Variants in TNK2 observed in about 807,000 individuals in gnomAD.
TNK2 encodes the protein tyrosine kinase non receptor 2.
In TNK2, 83 loss-of-function variants were observed where a neutral mutation model predicts 101.8. The observed-to-expected ratio is 0.82, with a 90% CI of 0.68 to 0.98. The LOEUF is 0.98. TNK2 is among the 50% of genes least tolerant of loss of function. The pLI is 0.00. For synonymous variants in TNK2, 804 were observed against 633.0 expected (o/e 1.27, Z -4.06); for missense variants, 1,665 against 1,483.2 (o/e 1.12, Z -2.01).
chr3:195,895,780 G>A (rs1429411760), intron 1 of TNK2: 3 of 238,476 alleles, frequency 1.3e-5, no homozygotes, highest in African/African-American at 2.3e-5. Context: ...CAGCAGAGGG[G>A]CCTCCGTCCG....
chr3:195,872,287 G>T lies in TNK2; in HGVS notation c.1440C>A (p.Asp480Glu). 6.2e-7 allele frequency: 1 copy of T among 1,613,406 alleles called. No individual in the cohort carries two copies. The highest frequency in any genetic ancestry group is 1.1e-5 in the South Asian group (1 of 91,090). ...CGCCCAGTACTCACTCGTCAATCCTGTCCGGGAAGCCCCAGCAGTGGCGGG... is the reference window on the plus strand; with the variant it reads ...CGCCCAGTACTCACTCGTCAATCCTTTCCGGGAAGCCCCAGCAGTGGCGGG... ...SDPRHCWGFP[D>E]RIDELYLGNP... is the part of the protein sequence containing the mutation. The change falls in exon 10 of 16, where the codon GAC becomes GAA. Residue 480 changes from aspartate to glutamate, a missense_variant. Asp to Glu is a conservative substitution (Grantham distance 45, BLOSUM62 2). Transcript: ENST00000672887.
chr3:195,900,199 CAG>C (rs955103526), intron 1 of TNK2, among the ~76,000 whole-genome samples: 1 of 151,962 alleles, frequency 6.6e-6, no homozygotes, highest in African/African-American at 2.4e-5. Flanking sequence ...GGCTGCCACA[CAG>C]GGTGATGGGA....
At position 195,886,271 on chromosome 3, in the gene TNK2, C is replaced by G. The variant is rs1755544044; in HGVS notation, c.234+706G>C. 6.6e-6 allele frequency: 1 copy of G among 152,424 alleles called. No individual in the cohort carries two copies. Among genetic ancestry groups the G allele is most frequent in the Non-Finnish European group, 1.5e-5 (1 of 68,222 alleles). 9.4% of individuals were successfully genotyped at this position (152,424 alleles called of 1,614,324 possible). The stretch of plus-strand genomic sequence containing the variant: ...GTGTTTCCAGGAAAAGCCAAAGGAT[C>G]CCAAGAGACAGCCCCTTTGCCGGAT... On this transcript the variant is annotated intron_variant, in intron 3 of 15. Transcript: ENST00000672887. The surrounding 1 kb of genome is among the most constrained non-coding windows in gnomAD (Gnocchi z 4.2).
chr3:195,895,698 G>A (rs1299329436), intron 1 of TNK2: 2 of 857,310 alleles, frequency 2.3e-6, no homozygotes, highest in Non-Finnish European at 1.6e-6. Flanking sequence ...CAGGGCCCCA[G>A]AGCCACCAAC....
chr3:195,889,324 CAAGA>C (rs1757423419), intron 1 of TNK2, among the ~76,000 whole-genome samples: 1 of 152,120 alleles, frequency 6.6e-6, no homozygotes, highest in South Asian at 2.1e-4. Flanking sequence ...TCCATTTTTT[CAAGA>C]AATAAATCCC....
chr3:195,864,537 C>A (rs954223623), intron 15 of TNK2, among the ~76,000 whole-genome samples: 1 of 147,850 alleles, frequency 6.8e-6, no homozygotes, highest in African/African-American at 2.5e-5. Flanking sequence ...CAGACAGCGA[C>A]AGACAGGTGA....
At position 195,879,032 on chromosome 3, in the gene TNK2, C is replaced by T. The variant is rs375760358; in HGVS notation, c.1014+17G>A. The T allele has an allele frequency of 3.1e-5, 50 of 1,611,636 alleles. No individual in the cohort carries two copies. The highest frequency in any genetic ancestry group is 3.8e-5 in the Non-Finnish European group (45 of 1,179,534). On this transcript the variant is annotated intron_variant, in intron 7 of 15. Coordinates refer to ENST00000672887, the MANE Select transcript of TNK2 (RefSeq NM_001382273.1). ...TCACCCCACCAGCCCTATGGGGGCC[C>T]GTCTCCCAGCCCTCACCTGACTGCC... is the stretch of plus-strand genomic sequence containing the variant.
At chr3:195,883,503 C>T (rs1754185554) in intron 4 of TNK2, 194 bp from the exon 5 acceptor site, 1 of 605,618 alleles carries the variant, frequency 1.7e-6, no homozygotes, top group African/African-American at 1.8e-5. Flanking sequence ...GACGGCTGGC[C>T]CTCAGGAGCC....
At chr3:195,907,060 C>CT (rs1211256088) in intron 1 of TNK2, among the ~76,000 whole-genome samples, 3 of 152,358 alleles carry the variant, frequency 2.0e-5, no homozygotes, top group Non-Finnish European at 4.4e-5. Context: ...CAAAAGCAAT[C>CT]TGTGTGATGC....
intron 1 of TNK2, chr3:195,895,796 A>C: frequency 1.0e-5 from 2 of 192,740 alleles, no homozygotes; most frequent in East Asian, 1.2e-4. Flanking sequence ...GTCCGACTCC[A>C]TCTGAGACCC....
At chr3:195,883,552 G>C (rs1293063647) in intron 4 of TNK2, 5 of 508,226 alleles carry the variant, frequency 9.8e-6, no homozygotes, top group Non-Finnish European at 1.4e-5. Flanking sequence ...GGAATGCCGG[G>C]CTTAAATACC....
intron 1 of TNK2, among the ~76,000 whole-genome samples, chr3:195,890,051 T>A (rs867817971): frequency 1.3e-5 from 2 of 152,212 alleles, no homozygotes; most frequent in Non-Finnish European, 2.9e-5. Flanking sequence ...CAGTGCCAGT[T>A]CCGACTTTTT....
intron 15 of TNK2, among the ~76,000 whole-genome samples, chr3:195,866,004 C>T (rs1740607579): frequency 6.6e-6 from 1 of 152,234 alleles, no homozygotes; most frequent in African/African-American, 2.4e-5. Flanking sequence ...GCCCCTCCTC[C>T]CGCCAGTGCC....
rs1274243870 is a variant in TNK2 at position 195,878,166 on chromosome 3, T to G, written c.1256+87A>C. 1.4e-6 allele frequency: 2 copies of G among 1,421,186 alleles called. No homozygotes were observed. Among genetic ancestry groups the G allele is most frequent in the Non-Finnish European group, 2.0e-6 (2 of 1,008,506 alleles). 88.0% of individuals were successfully genotyped at this position (1,421,186 alleles called of 1,614,324 possible). A position where few individuals can be genotyped will look rare whatever the true frequency, so the allele number is the denominator to read the frequency against. On this transcript the variant is annotated intron_variant, in intron 9 of 15. Coordinates refer to ENST00000672887, the MANE Select transcript of TNK2 (RefSeq NM_001382273.1). The surrounding 1 kb of genome is among the most constrained non-coding windows in gnomAD (Gnocchi z 4.7). The stretch of plus-strand genomic sequence containing the variant: ...AGCCTGTATGTGGCCAAGGGAATCT[T>G]GGAGGCCAAACAGATCTGTCCACAG...
At chr3:195,866,862 G>T in intron 15 of TNK2, 27 bp downstream of exon 15, 1 of 1,605,128 alleles carries the variant, frequency 6.2e-7, no homozygotes. Context: ...GGGGCACGGA[G>T]CGGGGCAGAC....
At position 195,867,946 on chromosome 3, in the gene TNK2, C is replaced by A. The variant is rs1742028962; in HGVS notation, c.2352G>T (p.Trp784Cys). 6.5e-7 allele frequency: 1 copy of A among 1,544,470 alleles called. No individual in the cohort carries two copies. Among genetic ancestry groups the A allele is most frequent in the East Asian group, 2.3e-5 (1 of 43,670 alleles). ...CCCGGGGAGGGGAAGCAGGTCCAGG[C>A]CACTGGCTGGTCTCCTCCTCGCCCG... ...APPGEEETSQ[W>C]PGPASPPRVP... The change falls in exon 13 of 16, where the codon TGG becomes TGT. Residue 784 changes from tryptophan to cysteine, a missense_variant. Trp to Cys is a radical substitution (Grantham distance 215, BLOSUM62 -2). Around this residue, in one of 3 missense-constraint regions of TNK2, gnomAD observed 1,136 missense variants for 894.9 expected, o/e 1.27. Coordinates refer to ENST00000672887, the MANE Select transcript of TNK2 (RefSeq NM_001382273.1).
rs1354716186 is a variant in TNK2 at position 195,878,506 on chromosome 3, G to T, written c.1101C>A (p.Cys367Ter). The change falls in exon 8 of 16, where the codon TGC becomes TGA. Residue 367 changes from cysteine (C) to a stop codon, truncating the protein, a stop_gained. Coordinates refer to ENST00000672887, the MANE Select transcript of TNK2 (RefSeq NM_001382273.1). LOFTEE classifies it high-confidence loss of function. This position sits in a 1 kb window ranked among gnomAD's most constrained non-coding sequence, Gnocchi z 4.7. ...GTCTGTCCTCTGGCTTGTGAGCCCA[G>T]CACTGGACCATGACGTTGTAGATGT... The part of the protein sequence containing the change: ...PQDIYNVMVQ[C>*]WAHKPEDRPT... The T allele has an allele frequency of 1.2e-6, 2 of 1,613,940 alleles. No individual in the cohort carries two copies. Among genetic ancestry groups the T allele is most frequent in the South Asian group, 2.2e-5 (2 of 91,092 alleles).
chr3:195,866,778 G>T, intron 15 of TNK2, 111 bp downstream of exon 15: 1 of 1,449,950 alleles, frequency 6.9e-7, no homozygotes, highest in Non-Finnish European at 9.2e-7. Context: ...GGAGAGCTGT[G>T]TCTCCCTGGC....
chr3:195,897,810 ACCCCCCCACCCC>A (rs1247618040), intron 1 of TNK2, among the ~76,000 whole-genome samples: 7 of 26,136 alleles, frequency 2.7e-4, no homozygotes, highest in African/African-American at 8.1e-4. Context: ...CCACCCCCTC[ACCCCCCCACCCC>A]CCCCCCACCC....
Sources: gnomAD v4.1 joint callset for allele counts (sites outside exome capture counted in the v4.1 genomes callset) on GRCh38, gnomAD v4.1.1 for gene constraint, gnomAD v4.1.1 regional missense constraint, Gnocchi (gnomAD v3.1) non-coding constraint, MANE v1.5 for transcripts, NCBI Gene and HGNC (gene_info 2026-07-23, HGNC 2026-07-21) for gene names.